CSGALNACT2: variants seen among roughly 807,000 people sequenced by gnomAD.
CSGALNACT2 encodes the protein beta 4 GalNAcT-2.
CSGALNACT2 carries 35 observed loss-of-function variants against 55.3 expected under a neutral mutation model. The observed-to-expected ratio is 0.63, with a 90% CI of 0.48 to 0.84. The LOEUF is 0.84. CSGALNACT2 is among the 40% of genes least tolerant of loss of function. The pLI is 0.00. For synonymous variants in CSGALNACT2, 196 were observed against 224.9 expected (o/e 0.87, Z 1.15); for missense variants, 544 against 657.5 (o/e 0.83, Z 1.89).
chr10:43,152,741 A>G (rs966833833), intron 1 of CSGALNACT2, among the ~76,000 whole-genome samples: 4 of 152,206 alleles, frequency 2.6e-5, no homozygotes, highest in Non-Finnish European at 4.4e-5. Flanking sequence ...TGAGTATAAC[A>G]TGCTTAAGTA....
rs1156614724 is a variant in CSGALNACT2, at chr10:43,164,947, G to A, written c.1159+903G>A. On this transcript the variant is annotated intron_variant, in intron 5 of 7. Coordinates refer to ENST00000374466, the MANE Select transcript of CSGALNACT2 (RefSeq NM_018590.5). ...AGAATTAAAAGTATTAAAGAGGCTGGGGGTGGTGGCTCATGCCTGTAATCC... is the reference window on the plus strand; with the variant it reads ...AGAATTAAAAGTATTAAAGAGGCTGAGGGTGGTGGCTCATGCCTGTAATCC... Among the ~76,000 whole-genome samples, 4 of 152,182 alleles carry A rather than the reference G, an allele frequency of 2.6e-5. No individual in the cohort carries two copies. In the East Asian group the frequency reaches 5.8e-4, roughly 22 times the overall value.
At chr10:43,168,673 GACACACAC>G (rs55776451) in intron 6 of CSGALNACT2, among the ~76,000 whole-genome samples, 46,716 of 147,626 alleles carry the variant, frequency 0.32, 7,844 homozygotes, top group African/African-American at 0.44. Flanking sequence ...AGTACACACA[GACACACAC>G]ACACACACAC....
In CSGALNACT2 at chr10:43,175,959, A is replaced by G; in HGVS notation, c.1263A>G (p.Lys421=). Residue 421 remains lysine, a synonymous_variant, in exon 7 of 8, where the codon AAA becomes AAG. Transcript: ENST00000374466. ...TTTTTTTTTTAACTAAGGTTCACAA[A>G]AAGGATTCTGGCTTTTGGCGAGATT... ...PPPVEQQLVH[K]KDSGFWRDFG... The G allele has an allele frequency of 2.1e-5, 34 of 1,604,166 alleles. No individual in the cohort carries two copies. The highest frequency in any genetic ancestry group is 2.9e-5 in the Non-Finnish European group (34 of 1,177,612).
chr10:43,153,867 G>A (rs1380236615), intron 1 of CSGALNACT2, among the ~76,000 whole-genome samples: 2 of 152,144 alleles, frequency 1.3e-5, no homozygotes, highest in Non-Finnish European at 2.9e-5. Context: ...CTGCTGATAA[G>A]GATGATTAAA....
intron 4 of CSGALNACT2, chr10:43,162,483 A>T: frequency 1.0e-6 from 1 of 985,388 alleles, no homozygotes; most frequent in Non-Finnish European, 1.2e-6. Context: ...CTTGATGCTG[A>T]GTATGTGGGG....
intron 6 of CSGALNACT2, among the ~76,000 whole-genome samples, chr10:43,175,264 A>G (rs1002924201): frequency 6.6e-6 from 1 of 152,248 alleles, no homozygotes; most frequent in African/African-American, 2.4e-5. Flanking sequence ...ATTATTTACT[A>G]AAGCAGGCAG....
intron 1 of CSGALNACT2, among the ~76,000 whole-genome samples, chr10:43,138,956 C>G (rs571475750): frequency 6.6e-6 from 1 of 152,248 alleles, no homozygotes; most frequent in East Asian, 1.9e-4. Flanking sequence ...GATGCTCTGT[C>G]GTGGAGGGCT....
At chr10:43,167,155 G>T in intron 6 of CSGALNACT2, 57 bp downstream of exon 6, 2 of 1,097,108 alleles carry the variant, frequency 1.8e-6, no homozygotes, top group Non-Finnish European at 2.8e-6. Flanking sequence ...CTAGATGTTT[G>T]TTGTGTAAGT....
chr10:43,180,015 G>A (rs1037821665), intron 7 of CSGALNACT2, among the ~76,000 whole-genome samples: 2 of 152,296 alleles, frequency 1.3e-5, no homozygotes, highest in Admixed American at 1.3e-4. Flanking sequence ...CCTGAGGATG[G>A]GGACAGTGAC....
intron 7 of CSGALNACT2, among the ~76,000 whole-genome samples, chr10:43,177,448 T>G (rs2133153839): frequency 6.6e-6 from 1 of 152,296 alleles, no homozygotes; most frequent in African/African-American, 2.4e-5. Flanking sequence ...CCCCCCAAAC[T>G]TAGGCATCTA....
At chr10:43,180,512 C>T (rs1839570384) in intron 7 of CSGALNACT2, among the ~76,000 whole-genome samples, 1 of 152,180 alleles carries the variant, frequency 6.6e-6, no homozygotes, top group African/African-American at 2.4e-5. Context: ...GTTATCTGCT[C>T]TTTCCATTAG....
At position 43,158,850 on chromosome 10, in the gene CSGALNACT2, A is replaced by G. The variant is rs1451857268; in HGVS notation, c.797A>G (p.Asp266Gly). The G allele has an allele frequency of 3.7e-6, 6 of 1,611,744 alleles. No homozygotes were observed. The highest frequency in any genetic ancestry group is 5.1e-6 in the Non-Finnish European group (6 of 1,178,052). ...ATGAAAGTGAAGAGTGAGATGATTG[A>G]CATCACTAGATCAATTATTAATATC... ...PLMKVKSEMIDITRSIINIIV... is the reference protein window; with the variant it reads ...PLMKVKSEMIGITRSIINIIV... The change falls in exon 3 of 8, where the codon GAC becomes GGC. Residue 266 changes from aspartate to glycine, a missense_variant. Physicochemically the swap from Asp to Gly is moderately conservative, Grantham distance 94. Transcript: ENST00000374466.
At chr10:43,176,165 G>T in intron 7 of CSGALNACT2, 133 bp downstream of exon 7, 2 of 585,220 alleles carry the variant, frequency 3.4e-6, no homozygotes, top group Non-Finnish European at 2.8e-6. Flanking sequence ...AGAGAAACTG[G>T]ATATACAAAA....
intron 1 of CSGALNACT2, among the ~76,000 whole-genome samples, chr10:43,138,901 C>G (rs1321265720): frequency 6.6e-6 from 1 of 152,208 alleles, no homozygotes; most frequent in African/African-American, 2.4e-5. Context: ...TAGTTCTGCC[C>G]TCAGCCCCTC....
intron 7 of CSGALNACT2, among the ~76,000 whole-genome samples, chr10:43,181,534 T>G (rs1171328521): frequency 6.6e-6 from 1 of 152,094 alleles, no homozygotes; most frequent in Non-Finnish European, 1.5e-5. Context: ...GACATAGCAT[T>G]TAGTAAAGCT....
At chr10:43,166,023 T>A (rs948752145) in intron 5 of CSGALNACT2, among the ~76,000 whole-genome samples, 3 of 152,220 alleles carry the variant, frequency 2.0e-5, no homozygotes, top group Non-Finnish European at 2.9e-5. Context: ...GGGGTTTTTT[T>A]AATGTAGAAC....
chr10:43,141,145 G>A (rs1026273668), intron 1 of CSGALNACT2, among the ~76,000 whole-genome samples: 4 of 152,156 alleles, frequency 2.6e-5, no homozygotes, highest in African/African-American at 7.2e-5. Flanking sequence ...TTGGAAGGCC[G>A]AGGCAGGAGG....
At chr10:43,146,963 C>CTTTTT (rs869040617) in intron 1 of CSGALNACT2, among the ~76,000 whole-genome samples, 7 of 87,916 alleles carry the variant, frequency 8.0e-5, no homozygotes, top group African/African-American at 2.6e-4. Flanking sequence ...TGTTGAGCAT[C>CTTTTT]TTTTTTTTTT....
At chr10:43,143,537 G>GT (rs1564508132) in intron 1 of CSGALNACT2, among the ~76,000 whole-genome samples, 34 of 143,224 alleles carry the variant, frequency 2.4e-4, no homozygotes, top group Admixed American at 1.2e-3. Context: ...GTGTGTGTGT[G>GT]GAATCATAAT....
Sources: gnomAD v4.1 joint callset for allele counts (sites outside exome capture counted in the v4.1 genomes callset) on GRCh38, gnomAD v4.1.1 for gene constraint, MANE v1.5 for transcripts, NCBI Gene and HGNC (gene_info 2026-07-23, HGNC 2026-07-21) for gene names.